Variants in ERC2 observed in about 807,000 individuals in gnomAD.
The protein encoded by ERC2 is ERC protein 2.
A neutral mutation model predicts 114.8 loss-of-function variants in ERC2; 42 were observed. The observed-to-expected ratio is 0.37, with a 90% CI of 0.29 to 0.47. The LOEUF is 0.47. ERC2 is among the 20% of genes least tolerant of loss of function. The pLI, the probability that ERC2 is intolerant of heterozygous loss-of-function variation, is 0.99. For missense variants in ERC2, 939 were observed against 1,150.7 expected, an observed-to-expected ratio of 0.82 and a Z score of 2.66; for synonymous variants, 454 against 425.5, an observed-to-expected ratio of 1.07 and a Z score of -0.82.
intron 14 of ERC2, among the ~76,000 whole-genome samples, chr3:55,788,704 C>G (rs2069724159): frequency 6.6e-6 from 1 of 152,200 alleles, no homozygotes. Context: ...TCAACATAAA[C>G]AGGCTGGAGG....
intron 17 of ERC2, chr3:55,657,305 G>A (rs1055473686): frequency 4.0e-5 from 6 of 151,898 alleles, no homozygotes; most frequent in South Asian, 2.1e-4. Flanking sequence ...TCTCTACTCC[G>A]ATCTATTCCA....
intron 7 of ERC2, among the ~76,000 whole-genome samples, chr3:56,068,579 T>G (rs1442491997): frequency 6.6e-6 from 1 of 152,172 alleles, no homozygotes; most frequent in East Asian, 1.9e-4. Flanking sequence ...TTTCCTGTCT[T>G]CAGTTAATTT....
intron 14 of ERC2, among the ~76,000 whole-genome samples, chr3:55,805,336 C>G (rs1258381234): frequency 6.6e-6 from 1 of 151,910 alleles, no homozygotes; most frequent in Non-Finnish European, 1.5e-5. Context: ...ATTTACTGCT[C>G]TATCTCTAAT....
intron 14 of ERC2, among the ~76,000 whole-genome samples, chr3:55,746,996 G>C (rs1339660487): frequency 6.6e-6 from 1 of 152,144 alleles, no homozygotes; most frequent in East Asian, 1.9e-4. Flanking sequence ...TTTTAGGTCT[G>C]CCATCTTGTG....
intron 14 of ERC2, among the ~76,000 whole-genome samples, chr3:55,755,315 GTAAC>G (rs1163275726): frequency 6.6e-6 from 1 of 152,126 alleles, no homozygotes; most frequent in Non-Finnish European, 1.5e-5. Flanking sequence ...CACAGGTTGA[GTAAC>G]TACCAGGATG....
chr3:55,865,555 C>A (rs1575920251), intron 14 of ERC2, among the ~76,000 whole-genome samples: 1 of 152,074 alleles, frequency 6.6e-6, no homozygotes, highest in Non-Finnish European at 1.5e-5. Flanking sequence ...CACCCACAAT[C>A]AAATTTTAGG....
At chr3:55,896,473 A>G (rs2063847426) in intron 13 of ERC2, among the ~76,000 whole-genome samples, 1 of 152,256 alleles carries the variant, frequency 6.6e-6, no homozygotes, top group African/African-American at 2.4e-5. Flanking sequence ...CAGTCCAGCA[A>G]GAAAGCAACC....
intron 4 of ERC2, among the ~76,000 whole-genome samples, chr3:56,162,645 G>C (rs2149993916): frequency 6.6e-6 from 1 of 152,230 alleles, no homozygotes; most frequent in South Asian, 2.1e-4. Flanking sequence ...AGTTCCTCTA[G>C]ATTTTCTAGT....
chr3:55,558,611 A>G (rs1270061506), intron 17 of ERC2, among the ~76,000 whole-genome samples: 2 of 152,246 alleles, frequency 1.3e-5, no homozygotes. Context: ...ATGTGCATCA[A>G]ATGACTATAA....
At chr3:55,971,502 G>T (rs905902324) in intron 12 of ERC2, among the ~76,000 whole-genome samples, 1 of 152,042 alleles carries the variant, frequency 6.6e-6, no homozygotes, top group Non-Finnish European at 1.5e-5. Context: ...AATTTTTTAG[G>T]CATAATGCAA....
intron 17 of ERC2, among the ~76,000 whole-genome samples, chr3:55,512,019 C>G (rs2052106898): frequency 6.6e-6 from 1 of 152,146 alleles, no homozygotes; most frequent in South Asian, 2.1e-4. Flanking sequence ...TTCTGGGTTT[C>G]CAGCCACATG....
chr3:56,009,144 T>C (rs1156328779), intron 9 of ERC2, among the ~76,000 whole-genome samples: 1 of 152,196 alleles, frequency 6.6e-6, no homozygotes, highest in Non-Finnish European at 1.5e-5. Context: ...TTCATCAAGA[T>C]CTCTTTTCAT....
At chr3:56,046,475 C>G (rs2075466257) in intron 7 of ERC2, among the ~76,000 whole-genome samples, 1 of 152,106 alleles carries the variant, frequency 6.6e-6, no homozygotes, top group South Asian at 2.1e-4. Flanking sequence ...TGCAAAGATT[C>G]CATCTCTGTG....
chr3:55,822,265 T>G (rs1247170550), intron 14 of ERC2, among the ~76,000 whole-genome samples: 1 of 152,222 alleles, frequency 6.6e-6, no homozygotes, highest in Non-Finnish European at 1.5e-5. Context: ...GGCATGGTGA[T>G]AGTCTTCCAA....
rs575521314 is a variant in ERC2 at position 56,246,576 on chromosome 3, T to C, written c.1074+49443A>G. On this transcript the variant is annotated intron_variant, in intron 3 of 17. Transcript: ENST00000288221. The stretch of plus-strand genomic sequence containing the variant: ...AACTCAATCCTCACAATGACCCCCA[T>C]TTTAAAGATGAAGAAATACTCAGAC... Among the ~76,000 whole-genome samples the C allele has an allele frequency of 9.2e-5, 14 of 152,260 alleles. No individual in the cohort carries two copies. In the East Asian group the frequency reaches 2.7e-3, roughly 29 times the overall value.
At chr3:56,449,074 C>CAAA (rs34335399) in intron 1 of ERC2, among the ~76,000 whole-genome samples, 4,211 of 112,078 alleles carry the variant, frequency 0.038, 278 homozygotes, top group African/African-American at 0.11. Context: ...GACTCCATCT[C>CAAA]AAAAAAAAAA....
At chr3:56,451,952 A>T (rs2062844027) in intron 1 of ERC2, among the ~76,000 whole-genome samples, 1 of 152,212 alleles carries the variant, frequency 6.6e-6, no homozygotes, top group Admixed American at 6.5e-5. Context: ...TCTCAGATGG[A>T]GAGAGTCCTA....
chr3:56,216,032 G>C (rs2049444968), intron 3 of ERC2, among the ~76,000 whole-genome samples: 1 of 152,050 alleles, frequency 6.6e-6, no homozygotes, highest in Non-Finnish European at 1.5e-5. Flanking sequence ...ATGCCCACAA[G>C]AAAAAGCAGG....
chr3:55,884,147 G>A (rs1483043285), intron 14 of ERC2, among the ~76,000 whole-genome samples: 2 of 152,174 alleles, frequency 1.3e-5, no homozygotes, highest in Non-Finnish European at 2.9e-5. Context: ...TTACAAATAT[G>A]TTAATAAAAT....
Sources: allele counts gnomAD v4.1 joint callset (sites outside exome capture counted in the v4.1 genomes callset), GRCh38; gene constraint gnomAD v4.1.1; transcripts MANE v1.5; gene names NCBI Gene and HGNC (gene_info 2026-07-23, HGNC 2026-07-21).